The following NCKAP5 variants were observed in gnomAD, a reference collection of about 807,000 sequenced individuals.
NCKAP5 encodes NCK associated protein 5, also known as nck-associated protein 5.
NCKAP5 carries 92 observed loss-of-function variants against 167.0 expected under a neutral mutation model. That is an observed-to-expected ratio of 0.55 (90% CI 0.47 to 0.66). The LOEUF (loss-of-function observed/expected upper bound fraction) is 0.66. NCKAP5 is among the 30% of genes least tolerant of loss of function. The pLI, the probability that NCKAP5 is intolerant of heterozygous loss-of-function variation, is 0.00. For synonymous variants in NCKAP5, 891 were observed against 877.4 expected (o/e 1.02, Z -0.27); for missense variants, 2,378 against 2,315.0 (o/e 1.03, Z -0.56).
chr2:132,718,914 C>T (rs1689635574), intron 19 of NCKAP5, among the ~76,000 whole-genome samples: 1 of 152,162 alleles, frequency 6.6e-6, no homozygotes, highest in African/African-American at 2.4e-5. Context: ...GAAAGAGATA[C>T]AGGGTCTTAC....
At chr2:133,237,492 T>C (rs1481960947) in intron 4 of NCKAP5, among the ~76,000 whole-genome samples, 1 of 152,232 alleles carries the variant, frequency 6.6e-6, no homozygotes, top group Non-Finnish European at 1.5e-5. Flanking sequence ...ATGACTTTAT[T>C]TATTCATTCA....
In NCKAP5 at chr2:133,190,242, G is replaced by A. The variant is rs188953867; in HGVS notation, c.207+23474C>T. ...GGGACATGAAGGACCTCTTCAAGGA[G>A]AACTACAAACCACTGTTCAATGAAA... On this transcript the variant is annotated intron_variant, in intron 5 of 19. Transcript: ENST00000409261. Among the ~76,000 whole-genome samples the A allele has an allele frequency of 8.1e-4, 124 of 152,202 alleles. No individual in the cohort carries two copies. In the East Asian group the frequency reaches 0.023, roughly 28 times the overall value.
chr2:132,775,208 T>A (rs1169089513), intron 15 of NCKAP5, among the ~76,000 whole-genome samples: 2 of 152,240 alleles, frequency 1.3e-5, no homozygotes, highest in Admixed American at 6.5e-5. Flanking sequence ...ATACTGTCAA[T>A]GTGAAAGTCA....
At chr2:132,887,344 T>TATCCATCC (rs1251023434) in intron 8 of NCKAP5, among the ~76,000 whole-genome samples, 81 of 100,390 alleles carry the variant, frequency 8.1e-4, no homozygotes, top group African/African-American at 3.6e-3. Context: ...TCTATCTATC[T>TATCCATCC]ATCTATCCAT....
intron 3 of NCKAP5, among the ~76,000 whole-genome samples, chr2:133,307,268 A>G (rs1365643769): frequency 6.6e-6 from 1 of 152,242 alleles, no homozygotes; most frequent in African/African-American, 2.4e-5. Context: ...AAGGATGAAA[A>G]TGAATGCAGA....
intron 19 of NCKAP5, among the ~76,000 whole-genome samples, chr2:132,678,048 G>A (rs1285105447): frequency 2.0e-5 from 3 of 151,862 alleles, no homozygotes; most frequent in African/African-American, 4.8e-5. Flanking sequence ...AGAGATTTTT[G>A]ACTAGAACAA....
At chr2:133,078,167 C>A (rs765019446) in intron 6 of NCKAP5, among the ~76,000 whole-genome samples, 3 of 152,178 alleles carry the variant, frequency 2.0e-5, no homozygotes, top group Non-Finnish European at 4.4e-5. Context: ...TACATCACAG[C>A]AGGAACTGTT....
intron 3 of NCKAP5, among the ~76,000 whole-genome samples, chr2:133,410,555 A>G (rs1688712136): frequency 6.6e-6 from 1 of 152,214 alleles, no homozygotes; most frequent in Admixed American, 6.5e-5. Flanking sequence ...CAGGTACTCA[A>G]CAAATATTAA....
chr2:133,321,140 G>C (rs966134754), intron 3 of NCKAP5, among the ~76,000 whole-genome samples: 2 of 152,100 alleles, frequency 1.3e-5, no homozygotes, highest in African/African-American at 4.8e-5. Context: ...AGGAATAAAG[G>C]GGTTTCCAGC....
chr2:132,737,790 T>C (rs1691656821), intron 16 of NCKAP5, among the ~76,000 whole-genome samples: 1 of 152,200 alleles, frequency 6.6e-6, no homozygotes, highest in Non-Finnish European at 1.5e-5. Flanking sequence ...TGGCAACAGT[T>C]CTCAAAATAA....
At chr2:132,867,220 C>A (rs183111411) in intron 10 of NCKAP5, among the ~76,000 whole-genome samples, 1 of 151,996 alleles carries the variant, frequency 6.6e-6, no homozygotes, top group Non-Finnish European at 1.5e-5. Flanking sequence ...ACAAAAGCAG[C>A]CATGGGAAGT....
chr2:133,102,077 G>T (rs966010378), intron 6 of NCKAP5, among the ~76,000 whole-genome samples: 4 of 152,302 alleles, frequency 2.6e-5, no homozygotes, highest in African/African-American at 9.6e-5. Context: ...ATGATTATAG[G>T]AGAAAGCATG....
chr2:132,775,291 A>G (rs1369614672), intron 15 of NCKAP5, among the ~76,000 whole-genome samples: 1 of 152,250 alleles, frequency 6.6e-6, no homozygotes, highest in Non-Finnish European at 1.5e-5. Context: ...ACTTAATGGA[A>G]TAAGACCAAT....
At chr2:133,570,492 G>A (rs1284844833), upstream of NCKAP5, among the ~76,000 whole-genome samples, 3 of 152,184 alleles carry the variant, frequency 2.0e-5, no homozygotes, top group East Asian at 5.8e-4. Context: ...ATAGGGTTGA[G>A]AAGAGGAAGA....
chr2:133,455,255 C>T (rs1219312702), intron 3 of NCKAP5, among the ~76,000 whole-genome samples: 2 of 152,172 alleles, frequency 1.3e-5, no homozygotes, highest in Non-Finnish European at 1.5e-5. Context: ...TGATACATCT[C>T]GATGAAGTTT....
chr2:133,188,852 C>A (rs1363576796), intron 5 of NCKAP5, among the ~76,000 whole-genome samples: 1 of 152,040 alleles, frequency 6.6e-6, no homozygotes, highest in Non-Finnish European at 1.5e-5. Context: ...AAAATTGACA[C>A]CCTAACATCA....
chr2:133,457,908 T>C (rs984916328), intron 3 of NCKAP5, among the ~76,000 whole-genome samples: 7 of 152,206 alleles, frequency 4.6e-5, no homozygotes, highest in Admixed American at 1.3e-4. Flanking sequence ...GATTTTCTCC[T>C]CTTGTCTCTG....
At chr2:132,818,965 A>G (rs1039991211) in intron 11 of NCKAP5, among the ~76,000 whole-genome samples, 6 of 152,200 alleles carry the variant, frequency 3.9e-5, no homozygotes, top group African/African-American at 1.4e-4. Context: ...CACACGTATT[A>G]CCATCTCATA....
the NCKAP5 span, among the ~76,000 whole-genome samples, chr2:133,664,624 G>A: frequency 1.3e-5 from 2 of 152,084 alleles, no homozygotes; most frequent in East Asian, 1.9e-4. Context: ...CTCAGCCTCC[G>A]TAATAGCTGG....
Sources: allele counts gnomAD v4.1 joint callset (sites outside exome capture counted in the v4.1 genomes callset), GRCh38; gene constraint gnomAD v4.1.1; transcripts MANE v1.5; gene names NCBI Gene and HGNC (gene_info 2026-07-23, HGNC 2026-07-21).